KCNH8: variants seen among roughly 807,000 people sequenced by gnomAD.
KCNH8 encodes potassium voltage-gated channel subfamily H member 8.
A neutral mutation model predicts 103.6 loss-of-function variants in KCNH8; 70 were observed. The observed-to-expected ratio is 0.68, with a 90% confidence interval of 0.56 to 0.82. The LOEUF is 0.82. Among genes scored for constraint, KCNH8 ranks in the 40% least tolerant of loss-of-function variants. KCNH8 has a pLI of 0.00. For synonymous variants in KCNH8, 498 were observed against 489.4 expected (o/e 1.02, Z -0.23); for missense variants, 1,217 against 1,329.9 (o/e 0.92, Z 1.32).
At chr3:19,432,012 T>A (rs992423104) in intron 7 of KCNH8, among the ~76,000 whole-genome samples, 7 of 71,716 alleles carry the variant, frequency 9.8e-5, no homozygotes, top group African/African-American at 8.3e-4. Context: ...CGCCTCTGAT[T>A]TTTGTTATTT....
chr3:19,500,580 T>G (rs2068557162), intron 11 of KCNH8, among the ~76,000 whole-genome samples: 1 of 152,134 alleles, frequency 6.6e-6, no homozygotes, highest in African/African-American at 2.4e-5. Flanking sequence ...TAACAAACTA[T>G]CTCTCAGACC....
chr3:19,219,553 A>G (rs900877165), intron 1 of KCNH8, among the ~76,000 whole-genome samples: 1 of 152,120 alleles, frequency 6.6e-6, no homozygotes, highest in Non-Finnish European at 1.5e-5. Flanking sequence ...CCTTTAATAT[A>G]TTGGAGTAAG....
rs6799336 is a variant in KCNH8 at position 19,409,002 on chromosome 3, T to C, written c.1177+13691T>C. 5.1e-3 allele frequency among the ~76,000 whole-genome samples: 771 copies of C among 152,090 alleles called. 11 individuals are homozygous for C. The highest frequency in any genetic ancestry group is 0.017 in the African/African-American group (704 of 41,520). ...CTTACTAGAGAGGTAGAAATTCAGA[T>C]ATAAGAAATTCAGAGAACACCTGTG... On this transcript the variant is annotated intron_variant, in intron 7 of 15. Coordinates refer to ENST00000328405, the MANE Select transcript of KCNH8 (RefSeq NM_144633.3).
At chr3:19,369,609 T>A (rs907290764) in intron 5 of KCNH8, among the ~76,000 whole-genome samples, 1 of 152,020 alleles carries the variant, frequency 6.6e-6, no homozygotes, top group Non-Finnish European at 1.5e-5. Flanking sequence ...AGGATATCAT[T>A]CCAATGAAAC....
intron 7 of KCNH8, among the ~76,000 whole-genome samples, chr3:19,401,842 A>G (rs2066617626): frequency 6.6e-6 from 1 of 151,998 alleles, no homozygotes; most frequent in African/African-American, 2.4e-5. Context: ...ATTTAATTGC[A>G]TAATATTCTC....
At chr3:19,376,480 T>C (rs1448658652) in intron 5 of KCNH8, among the ~76,000 whole-genome samples, 1 of 152,154 alleles carries the variant, frequency 6.6e-6, no homozygotes, top group Non-Finnish European at 1.5e-5. Flanking sequence ...GCGCACCCAC[T>C]GACCTGTGCC....
chr3:19,400,730 G>A (rs539898732), intron 7 of KCNH8, among the ~76,000 whole-genome samples: 12 of 151,774 alleles, frequency 7.9e-5, no homozygotes, highest in South Asian at 4.2e-4. Flanking sequence ...CCTGATCCTC[G>A]TTGGATAAAA....
intron 11 of KCNH8, among the ~76,000 whole-genome samples, chr3:19,509,936 A>G (rs77539109): frequency 0.018 from 2,737 of 152,268 alleles, 81 homozygotes; most frequent in African/African-American, 0.061. Context: ...CAGAGCCAGA[A>G]AGAAAAATCG....
At chr3:19,238,609 C>G (rs2064094742) in intron 1 of KCNH8, among the ~76,000 whole-genome samples, 1 of 152,160 alleles carries the variant, frequency 6.6e-6, no homozygotes, top group South Asian at 2.1e-4. Context: ...TGCCAGAAGA[C>G]CTTTTACAAA....
At chr3:19,398,761 T>C (rs1401807456) in intron 7 of KCNH8, among the ~76,000 whole-genome samples, 1 of 152,016 alleles carries the variant, frequency 6.6e-6, no homozygotes, top group Non-Finnish European at 1.5e-5. Flanking sequence ...TGGTATGTAG[T>C]AACTGCTCAG....
chr3:19,342,801 T>C, intron 4 of KCNH8, 87 bp downstream of exon 4: 1 of 1,305,900 alleles, frequency 7.7e-7, no homozygotes, highest in African/African-American at 1.5e-5. Context: ...CAATTACCCA[T>C]TTATTGGCTT....
intron 2 of KCNH8, among the ~76,000 whole-genome samples, chr3:19,260,487 GATATATATATATATAT>G (rs57661437): frequency 0.025 from 982 of 40,040 alleles, 33 homozygotes; most frequent in East Asian, 0.15. Flanking sequence ...TACTCTATAG[GATATATATATATATAT>G]ATATATATAT....
At chr3:19,155,095 A>G (rs1039482821) in intron 1 of KCNH8, among the ~76,000 whole-genome samples, 2 of 152,188 alleles carry the variant, frequency 1.3e-5, no homozygotes, top group Non-Finnish European at 2.9e-5. Context: ...AGTTGTTAAT[A>G]CAACCATCTT....
intron 15 of KCNH8, among the ~76,000 whole-genome samples, chr3:19,524,179 A>G (rs2069022056): frequency 6.6e-6 from 1 of 151,872 alleles, no homozygotes; most frequent in African/African-American, 2.4e-5. Flanking sequence ...TTCATTGACA[A>G]TTGAGTCAAC....
Position 19,342,659 on chromosome 3 carries a change from A to G in KCNH8, c.515A>G (p.Tyr172Cys), listed in dbSNP as rs1160104791. 4.3e-6 allele frequency: 7 copies of G among 1,611,206 alleles called. No homozygotes were observed. Among genetic ancestry groups the G allele is most frequent in the East Asian group, 2.2e-5 (1 of 44,778 alleles). The change falls in exon 4 of 16, where the codon TAT becomes TGT. Residue 172 changes from tyrosine to cysteine, a missense_variant. Transcript: ENST00000328405. ...CGGAGACGGAGTCGAGCAGTCCTTT[A>G]TCACATCTCTGGGCACCTGCAAAGA... is the stretch of plus-strand genomic sequence containing the variant. ...SARRRSRAVL[Y>C]HISGHLQRRE...
rs771839906 is a variant in KCNH8, at chr3:19,518,010, G to T, written c.2555G>T (p.Gly852Val). 6.2e-7 allele frequency: 1 copy of T among 1,612,028 alleles called. No homozygotes were observed. Among genetic ancestry groups the T allele is most frequent in the Non-Finnish European group, 8.5e-7 (1 of 1,178,764 alleles). ...TGTCACTTTTCAGATCCAGAGATTG[G>T]AGCTGCTGTTCTCTTCATCAAAGCA... ...ISPPLGDPEI[G>V]AAVLFIKAEE... The change falls in exon 15 of 16, where the codon GGA becomes GTA. Residue 852 changes from glycine (G) to valine (V), a missense_variant. By Grantham distance (109) the Gly-to-Val change is moderately radical. Coordinates refer to ENST00000328405, the MANE Select transcript of KCNH8 (RefSeq NM_144633.3).
intron 5 of KCNH8, among the ~76,000 whole-genome samples, chr3:19,350,592 C>T (rs897372412): frequency 5.3e-5 from 8 of 152,206 alleles, no homozygotes; most frequent in Non-Finnish European, 1.0e-4. Context: ...CTGCAGCCTC[C>T]GCTGGTGATA....
intron 1 of KCNH8, among the ~76,000 whole-genome samples, chr3:19,152,669 C>T (rs2063142153): frequency 6.6e-6 from 1 of 152,266 alleles, no homozygotes; most frequent in African/African-American, 2.4e-5. Flanking sequence ...GGCGCAGTGG[C>T]TCACGCCTGT....
chr3:19,230,496 A>G (rs75704777), intron 1 of KCNH8, among the ~76,000 whole-genome samples: 9,922 of 152,238 alleles, frequency 0.065, 1,089 homozygotes, highest in African/African-American at 0.22. Context: ...GATAATGAGA[A>G]AAGATAAAGA....
Sources: allele counts gnomAD v4.1 joint callset (sites outside exome capture counted in the v4.1 genomes callset), GRCh38; gene constraint gnomAD v4.1.1; transcripts MANE v1.5; gene names NCBI Gene and HGNC (gene_info 2026-07-23, HGNC 2026-07-21).